Variants in ARHGEF4 observed in about 807,000 individuals in gnomAD.
ARHGEF4 encodes the protein Rho guanine nucleotide exchange factor 4.
Under a neutral mutation model 162.0 loss-of-function variants are expected in ARHGEF4, and 119 were observed. The observed-to-expected ratio is 0.73, with a 90% CI of 0.63 to 0.86. ARHGEF4 has a LOEUF of 0.86. Ranked by LOEUF, ARHGEF4 falls within the 40% of genes least tolerant of loss-of-function variation. The pLI, the probability that ARHGEF4 is intolerant of heterozygous loss-of-function variation, is 0.00. For missense variants in ARHGEF4, 2,488 were observed against 2,456.0 expected (o/e 1.01, Z -0.28); for synonymous variants, 1,014 against 979.9 (o/e 1.03, Z -0.65).
At position 130,982,591 on chromosome 2, in the gene ARHGEF4, C is replaced by T. The variant is rs1018838611; in HGVS notation, c.3985+35956C>T. Among the ~76,000 whole-genome samples the T allele has an allele frequency of 5.5e-5, 8 of 145,488 alleles. No individual in the cohort carries two copies. In the South Asian group the frequency reaches 1.9e-3, roughly 35 times the overall value. Reference sequence around the variant, plus strand: ...TCCTCCCCCTTCTCCTCCCCCTCCTCCTCCTTTCCCTCCTCCTCCTCCTTT... The same window carrying T: ...TCCTCCCCCTTCTCCTCCCCCTCCTTCTCCTTTCCCTCCTCCTCCTCCTTT... On this transcript the variant is annotated intron_variant, in intron 4 of 13. Coordinates refer to ENST00000409359, the MANE Select transcript of ARHGEF4 (RefSeq NM_001367493.1).
chr2:130,880,448 A>G (rs272141), intron 1 of ARHGEF4, among the ~76,000 whole-genome samples: 37,328 of 152,074 alleles, frequency 0.25, 5,567 homozygotes, highest in African/African-American at 0.41. Context: ...GTGGAAGGAG[A>G]CCTGGGACAG....
chr2:130,915,026 GA>G lies in ARHGEF4; in HGVS notation c.1081del (p.Thr361ProfsTer3). The G allele has an allele frequency of 1.9e-6, 3 of 1,550,632 alleles. No individual in the cohort carries two copies. Among genetic ancestry groups the G allele is most frequent in the Non-Finnish European group, 2.6e-6 (3 of 1,147,028 alleles). ...TGGGACAGAATGTTGTGAAGTCTGG[GA>G]CCCATGTGAAGGAAGGGGCCAAAAA... The part of the protein sequence containing the change: ...PVGQNVVKSG[T>X]HVKEGAKNER... On this transcript the variant is annotated frameshift_variant, in exon 2 of 14. Transcript: ENST00000409359. LOFTEE classifies it high-confidence loss of function.
At chr2:130,897,710 A>C (rs1053959085) in intron 1 of ARHGEF4, among the ~76,000 whole-genome samples, 2 of 152,220 alleles carry the variant, frequency 1.3e-5, no homozygotes, top group African/African-American at 4.8e-5. Context: ...GCTCTCTTCC[A>C]TCTCAAGATG....
At chr2:131,005,102 G>T (rs1397132933) in intron 4 of ARHGEF4, among the ~76,000 whole-genome samples, 1 of 152,222 alleles carries the variant, frequency 6.6e-6, no homozygotes, top group Admixed American at 6.5e-5. Flanking sequence ...GAGCCAGGGT[G>T]AGAGTCCTGC....
chr2:131,045,710 C>A, intron 13 of ARHGEF4: 3 of 1,446,652 alleles, frequency 2.1e-6, no homozygotes, highest in Non-Finnish European at 2.7e-6. Flanking sequence ...CCCCAGGGTT[C>A]CTTCCTGACA....
At chr2:130,980,608 C>T (rs1219550351) in intron 4 of ARHGEF4, among the ~76,000 whole-genome samples, 1 of 152,120 alleles carries the variant, frequency 6.6e-6, no homozygotes, top group East Asian at 1.9e-4. Context: ...CACATCAACA[C>T]ACATTTCTAA....
At chr2:130,907,226 T>C (rs79208059) in intron 1 of ARHGEF4, among the ~76,000 whole-genome samples, 1 of 42,092 alleles carries the variant, frequency 2.4e-5, no homozygotes, top group Non-Finnish European at 6.1e-5. Flanking sequence ...TTTTTTTTTT[T>C]TTTTGAGACA....
At chr2:131,041,521 G>T in intron 9 of ARHGEF4, 59 bp downstream of exon 9, 1 of 1,527,724 alleles carries the variant, frequency 6.5e-7, no homozygotes, top group Non-Finnish European at 8.9e-7. Context: ...CAGTCAGCCA[G>T]TTTGAGCATT....
At chr2:130,980,107 G>A (rs1238545234) in intron 4 of ARHGEF4, among the ~76,000 whole-genome samples, 1 of 152,122 alleles carries the variant, frequency 6.6e-6, no homozygotes, top group Non-Finnish European at 1.5e-5. Flanking sequence ...AAAAAACGTT[G>A]TAAGTCTGGA....
At chr2:130,913,584 T>G (rs995685064) in intron 1 of ARHGEF4, among the ~76,000 whole-genome samples, 7 of 152,206 alleles carry the variant, frequency 4.6e-5, no homozygotes, top group African/African-American at 9.7e-5. Context: ...GCAAGGGCAT[T>G]GACTTTAAAC....
intron 2 of ARHGEF4, among the ~76,000 whole-genome samples, chr2:130,927,229 G>C (rs1422606976): frequency 6.6e-6 from 1 of 152,110 alleles, no homozygotes; most frequent in Non-Finnish European, 1.5e-5. Context: ...ATGCTAGCTG[G>C]TGGTGAAGGT....
intron 4 of ARHGEF4, among the ~76,000 whole-genome samples, chr2:131,008,443 A>G (rs1020836602): frequency 8.5e-5 from 13 of 152,212 alleles, no homozygotes; most frequent in Admixed American, 6.5e-4. Flanking sequence ...TTCTCATGCA[A>G]CCAACATCCA....
At chr2:130,846,152 C>A (rs1314219138) in intron 1 of ARHGEF4, among the ~76,000 whole-genome samples, 3 of 152,216 alleles carry the variant, frequency 2.0e-5, no homozygotes, top group African/African-American at 7.2e-5. Context: ...CAAACAAGCC[C>A]CTTGCTTCCT....
At chr2:130,978,780 AAAAC>A (rs772596239) in intron 4 of ARHGEF4, among the ~76,000 whole-genome samples, 94 of 152,200 alleles carry the variant, frequency 6.2e-4, no homozygotes, top group Non-Finnish European at 1.5e-4. Flanking sequence ...CAGACTCTGA[AAAAC>A]AAAACAAAAA....
chr2:131,035,247 G>C (rs1558882188), intron 5 of ARHGEF4: 1 of 1,224,122 alleles, frequency 8.2e-7, no homozygotes, highest in Non-Finnish European at 1.0e-6. Context: ...TGATCTTCCT[G>C]CTGGCCTTCC....
chr2:130,991,222 C>T (rs1211136395), intron 4 of ARHGEF4, among the ~76,000 whole-genome samples: 1 of 152,152 alleles, frequency 6.6e-6, no homozygotes, highest in African/African-American at 2.4e-5. Context: ...GGCAGATGAC[C>T]CACCAAAGGA....
At chr2:130,877,728 A>G (rs746319425) in intron 1 of ARHGEF4, among the ~76,000 whole-genome samples, 223 of 152,288 alleles carry the variant, frequency 1.5e-3, no homozygotes, top group Non-Finnish European at 2.8e-3. Flanking sequence ...AGCCACCCCT[A>G]TCCACCCCAA....
rs966308939 is a variant in ARHGEF4, at chr2:130,896,505, G to A, written c.40-17481G>A. Reference sequence around the variant, plus strand: ...TCACTGCAGTAGTCCACTATGTTCCGGGCGCCTAGTTGAACCCTCCCAACC... The same window carrying A: ...TCACTGCAGTAGTCCACTATGTTCCAGGCGCCTAGTTGAACCCTCCCAACC... On this transcript the variant is annotated intron_variant, in intron 1 of 13. Coordinates refer to ENST00000409359, the MANE Select transcript of ARHGEF4 (RefSeq NM_001367493.1). 8.5e-5 allele frequency among the ~76,000 whole-genome samples: 13 copies of A among 152,276 alleles called. 1 individual carries two copies. In the South Asian group the frequency reaches 2.1e-3, roughly 24 times the overall value.
chr2:130,881,033 G>T (rs929878672), intron 1 of ARHGEF4, among the ~76,000 whole-genome samples: 2 of 148,226 alleles, frequency 1.3e-5, no homozygotes, highest in African/African-American at 2.6e-5. Flanking sequence ...CATTATTTTT[G>T]TTGTTGTTGT....
Sources: allele counts gnomAD v4.1 joint callset (sites outside exome capture counted in the v4.1 genomes callset), GRCh38; gene constraint gnomAD v4.1.1; transcripts MANE v1.5; gene names NCBI Gene and HGNC (gene_info 2026-07-23, HGNC 2026-07-21).